The following SDK2 variants were observed in gnomAD, a reference collection of about 807,000 sequenced individuals.
The protein encoded by SDK2 is protein sidekick-2.
In SDK2, 105 loss-of-function variants were observed where a neutral mutation model predicts 253.9. The observed-to-expected ratio is 0.41, with a 90% CI of 0.35 to 0.49. SDK2 has a LOEUF of 0.49. SDK2 is among the 20% of genes least tolerant of loss of function. SDK2 has a pLI of 0.06. For synonymous variants in SDK2, 1,249 were observed against 1,234.9 expected, an observed-to-expected ratio of 1.01 and a Z score of -0.24; for missense variants, 2,608 against 3,003.0, an observed-to-expected ratio of 0.87 and a Z score of 3.07.
At chr17:73,573,128 A>G (rs1447502999) in intron 1 of SDK2, among the ~76,000 whole-genome samples, 2 of 152,086 alleles carry the variant, frequency 1.3e-5, no homozygotes, top group African/African-American at 4.8e-5. Context: ...TCCATCCTCC[A>G]CTTCCTCACA....
rs2046434021 is a variant in SDK2 at position 73,644,157 on chromosome 17, G to A, written c.-69C>T. 1 of 1,316,010 alleles carries A rather than the reference G, an allele frequency of 7.6e-7. No homozygotes were observed. Among genetic ancestry groups the A allele is most frequent in the Admixed American group, 2.0e-5 (1 of 50,310 alleles). 81.5% of individuals were successfully genotyped at this position (1,316,010 alleles called of 1,614,324 possible). On this transcript the variant is annotated 5_prime_UTR_variant, in exon 1 of 45. Coordinates refer to ENST00000392650, the MANE Select transcript of SDK2 (RefSeq NM_001144952.2). This position sits in a 1 kb window ranked among gnomAD's most constrained non-coding sequence, Gnocchi z 6.3. Reference sequence around the variant, plus strand: ...CGCCCTGTTTTATAATCCTGGTGGGGTCCGATACCCCGTGGCTTAGTCCCA... The same window carrying A: ...CGCCCTGTTTTATAATCCTGGTGGGATCCGATACCCCGTGGCTTAGTCCCA...
At chr17:73,376,400 T>C (rs1411397665) in intron 36 of SDK2, among the ~76,000 whole-genome samples, 6 of 146,538 alleles carry the variant, frequency 4.1e-5, no homozygotes, top group Non-Finnish European at 1.5e-5. Flanking sequence ...AGAACGTGCA[T>C]GAATGTGCCT....
chr17:73,459,355 G>A (rs953854064), intron 3 of SDK2, among the ~76,000 whole-genome samples: 1 of 152,138 alleles, frequency 6.6e-6, no homozygotes, highest in Admixed American at 6.5e-5. Context: ...TCCCTGGCCT[G>A]GACTCAAGGT....
intron 12 of SDK2, among the ~76,000 whole-genome samples, chr17:73,426,208 CTTTTTTTTTT>C (rs751417057): frequency 0.1 from 3,033 of 29,236 alleles, 153 homozygotes; most frequent in African/African-American, 0.29. Context: ...CCATGCTGGG[CTTTTTTTTTT>C]TTTTTTTTTT....
intron 1 of SDK2, among the ~76,000 whole-genome samples, chr17:73,636,904 T>C (rs908460651): frequency 2.0e-5 from 3 of 152,128 alleles, no homozygotes; most frequent in Admixed American, 1.3e-4. Context: ...CACTGCTCTA[T>C]GTGTATTATC....
intron 1 of SDK2, among the ~76,000 whole-genome samples, chr17:73,531,539 G>A (rs2064169106): frequency 6.6e-6 from 1 of 152,148 alleles, no homozygotes; most frequent in African/African-American, 2.4e-5. Flanking sequence ...GGGTTCACCT[G>A]CTAAGTATTC....
intron 40 of SDK2, among the ~76,000 whole-genome samples, chr17:73,357,121 G>A (rs1302620353): frequency 1.3e-5 from 2 of 152,228 alleles, no homozygotes; most frequent in African/African-American, 4.8e-5. Flanking sequence ...GCAGCTAGAT[G>A]TATTCGCTAT....
chr17:73,345,558 T>G (rs542385895), intron 44 of SDK2, among the ~76,000 whole-genome samples: 1 of 152,300 alleles, frequency 6.6e-6, no homozygotes, highest in South Asian at 2.1e-4. Context: ...AACAAATAGC[T>G]GTTGAGTAAA....
In SDK2 at chr17:73,496,426, G is replaced by A. The variant is rs2063842063; in HGVS notation, c.224+11012C>T. On this transcript the variant is annotated intron_variant, in intron 2 of 44. Transcript: ENST00000392650. The surrounding 1 kb of genome is among the most constrained non-coding windows in gnomAD (Gnocchi z 4.7). ...GGTTTGCCAGGTAGCAGAGGCGTGC[G>A]AGGACGGTAGAGGTGGAGGACAGAG... Among the ~76,000 whole-genome samples, 2 of 152,128 alleles carry A rather than the reference G, an allele frequency of 1.3e-5. No homozygotes were observed. Among genetic ancestry groups the A allele is most frequent in the Non-Finnish European group, 1.5e-5 (1 of 68,034 alleles).
intron 22 of SDK2, 145 bp downstream of exon 22, chr17:73,399,023 G>A: frequency 1.3e-6 from 1 of 761,842 alleles, no homozygotes. Context: ...AGACAACATT[G>A]GCAAGTGTGA....
intron 18 of SDK2, among the ~76,000 whole-genome samples, chr17:73,410,374 C>T (rs924497773): frequency 4.6e-5 from 7 of 152,108 alleles, no homozygotes; most frequent in African/African-American, 7.2e-5. Flanking sequence ...AGCGAAGTGG[C>T]GTGATCTCAG....
intron 38 of SDK2, among the ~76,000 whole-genome samples, chr17:73,364,639 T>A (rs1305414140): frequency 1.3e-5 from 2 of 152,166 alleles, no homozygotes; most frequent in Non-Finnish European, 2.9e-5. Flanking sequence ...TTTTTCCTTT[T>A]GAGATGGAAT....
intron 1 of SDK2, among the ~76,000 whole-genome samples, chr17:73,514,580 A>G (rs1158643904): frequency 1.3e-5 from 2 of 152,108 alleles, no homozygotes; most frequent in East Asian, 1.9e-4. Flanking sequence ...GAAGGGGGTG[A>G]TGGCTTCTGC....
At chr17:73,426,208 C>CTTTT (rs751417057) in intron 12 of SDK2, among the ~76,000 whole-genome samples, 387 of 29,126 alleles carry the variant, frequency 0.013, 83 homozygotes, top group African/African-American at 0.021. Flanking sequence ...CCATGCTGGG[C>CTTTT]TTTTTTTTTT....
At chr17:73,373,533 C>A (rs2062753610) in intron 36 of SDK2, among the ~76,000 whole-genome samples, 1 of 152,194 alleles carries the variant, frequency 6.6e-6, no homozygotes, top group African/African-American at 2.4e-5. Flanking sequence ...TATCTCTAGA[C>A]TTTTTGATAA....
intron 1 of SDK2, among the ~76,000 whole-genome samples, chr17:73,596,913 T>G (rs1288408574): frequency 6.6e-6 from 1 of 152,018 alleles, no homozygotes; most frequent in Non-Finnish European, 1.5e-5. Flanking sequence ...GCTTGCTCCC[T>G]CCACCCCTAG....
chr17:73,383,634 G>A lies in SDK2; in HGVS notation c.4705+242C>T, dbSNP rs1468725955. ...CCTCCTCCAGCCTGCAACTCCAAGA[G>A]GGCAGGGACCCTGTCTGTCTTGATC... On this transcript the variant is annotated intron_variant, in intron 33 of 44. Coordinates refer to ENST00000392650, the MANE Select transcript of SDK2 (RefSeq NM_001144952.2). The surrounding 1 kb of genome is among the most constrained non-coding windows in gnomAD (Gnocchi z 4.3). 6.6e-6 allele frequency among the ~76,000 whole-genome samples: 1 copy of A among 152,222 alleles called. No homozygotes were observed. Among genetic ancestry groups the A allele is most frequent in the Non-Finnish European group, 1.5e-5 (1 of 68,040 alleles).
rs937365120 is a variant in SDK2 at position 73,511,800 on chromosome 17, G to A, written c.65-4203C>T. Among the ~76,000 whole-genome samples the A allele has an allele frequency of 3.9e-5, 6 of 152,220 alleles. No homozygotes were observed. Among genetic ancestry groups the A allele is most frequent in the African/African-American group, 9.6e-5 (4 of 41,456 alleles). On this transcript the variant is annotated intron_variant, in intron 1 of 44. Coordinates refer to ENST00000392650, the MANE Select transcript of SDK2 (RefSeq NM_001144952.2). The surrounding 1 kb of genome is among the most constrained non-coding windows in gnomAD (Gnocchi z 4.9). ...CTCGTCTGAAAGCAAGAGATGGCAG[G>A]GGGCTGGCAGGGTGTGTGCTGTAGG...
At chr17:73,386,571 A>G (rs930592127) in intron 30 of SDK2, 23 bp from the exon 31 acceptor site, 14 of 1,506,828 alleles carry the variant, frequency 9.3e-6, no homozygotes, top group African/African-American at 1.4e-5. Flanking sequence ...ATCAGGGCCA[A>G]TGAGCCAAGG....
Sources: allele counts gnomAD v4.1 joint callset (sites outside exome capture counted in the v4.1 genomes callset), GRCh38; gene constraint gnomAD v4.1.1; non-coding constraint Gnocchi (gnomAD v3.1); transcripts MANE v1.5; gene names NCBI Gene and HGNC (gene_info 2026-07-23, HGNC 2026-07-21).